The following FBXO4 variants were observed in gnomAD, a reference collection of about 807,000 sequenced individuals.
FBXO4 encodes the protein F-box protein 4.
Under a neutral mutation model 43.7 loss-of-function variants are expected in FBXO4, and 36 were observed. The ratio of observed to expected loss-of-function variants is 0.82; its 90% CI spans 0.63 to 1.09. The LOEUF (loss-of-function observed/expected upper bound fraction) is 1.09, where lower values mean the gene tolerates loss of function less well. Among genes scored for constraint, FBXO4 ranks in the 50% least tolerant of loss-of-function variants. The probability of loss-of-function intolerance (pLI) is 0.00; values close to 1 mark genes in which losing one functional copy is unlikely to be tolerated. For missense variants in FBXO4, 435 were observed against 474.1 expected, an observed-to-expected ratio of 0.92 and a Z score of 0.77; for synonymous variants, 180 against 165.6, an observed-to-expected ratio of 1.09 and a Z score of -0.67.
At chr5:41,963,607 A>G in the FBXO4 span, among the ~76,000 whole-genome samples, 1 of 152,204 alleles carries the variant, frequency 6.6e-6, no homozygotes, top group Non-Finnish European at 1.5e-5. Flanking sequence ...AAAAAACTAG[A>G]GAAAATAAAA....
At chr5:42,011,210 T>C in the FBXO4 span, among the ~76,000 whole-genome samples, 3 of 152,194 alleles carry the variant, frequency 2.0e-5, no homozygotes, top group Non-Finnish European at 4.4e-5. Flanking sequence ...TGATCTCTAA[T>C]GTGGCAGTGT....
chr5:41,957,453 T>A, the FBXO4 span, among the ~76,000 whole-genome samples: 2 of 148,250 alleles, frequency 1.3e-5, no homozygotes, highest in Admixed American at 6.8e-5. Flanking sequence ...ATAATTATAT[T>A]ATAATTATAT....
chr5:42,015,585 T>A, the FBXO4 span, among the ~76,000 whole-genome samples: 1 of 152,148 alleles, frequency 6.6e-6, no homozygotes, highest in South Asian at 2.1e-4. Context: ...ATAAATGTGC[T>A]AATGTGACAC....
chr5:42,013,746 T>C, the FBXO4 span, among the ~76,000 whole-genome samples: 1 of 152,210 alleles, frequency 6.6e-6, no homozygotes, highest in African/African-American at 2.4e-5. Flanking sequence ...CTGGCAACAC[T>C]TGAAGTAGGC....
the FBXO4 span, among the ~76,000 whole-genome samples, chr5:41,991,499 C>T: frequency 2.9e-4 from 44 of 152,304 alleles, 1 homozygote; most frequent in African/African-American, 8.9e-4. Flanking sequence ...TTCTGGGCTC[C>T]TAAACATTGG....
chr5:42,023,066 C>A, the FBXO4 span, among the ~76,000 whole-genome samples: 1 of 151,992 alleles, frequency 6.6e-6, no homozygotes, highest in African/African-American at 2.4e-5. Context: ...ACACTTGATG[C>A]ACTCCATTGT....
At chr5:42,008,792 G>T in the FBXO4 span, among the ~76,000 whole-genome samples, 1 of 151,978 alleles carries the variant, frequency 6.6e-6, no homozygotes, top group Admixed American at 6.6e-5. Flanking sequence ...TTCTAATTAC[G>T]TTTTATTGAC....
chr5:42,035,535 A>T, the FBXO4 span, among the ~76,000 whole-genome samples: 11,881 of 152,138 alleles, frequency 0.078, 582 homozygotes, highest in African/African-American at 0.13. Context: ...TTCTCTCTAA[A>T]GGTCATATAT....
the FBXO4 span, among the ~76,000 whole-genome samples, chr5:41,952,408 T>C: frequency 3.9e-5 from 6 of 152,242 alleles, no homozygotes; most frequent in Admixed American, 2.0e-4. Context: ...AATTGACTAA[T>C]TTATATAATA....
the FBXO4 span, among the ~76,000 whole-genome samples, chr5:42,006,579 T>C: frequency 6.6e-6 from 1 of 151,942 alleles, no homozygotes; most frequent in Non-Finnish European, 1.5e-5. Context: ...AGTCAATTTT[T>C]TGTCTAAACT....
At chr5:41,925,569 C>G (rs1751460016) in intron 1 of FBXO4, 71 bp downstream of exon 1, 1 of 1,189,872 alleles carries the variant, frequency 8.4e-7, no homozygotes, top group African/African-American at 1.6e-5. Flanking sequence ...CCTGGAGCCC[C>G]CCGGGGCCTG....
At chr5:41,946,467 A>G (rs1489438650), downstream of FBXO4, among the ~76,000 whole-genome samples, 1 of 152,248 alleles carries the variant, frequency 6.6e-6, no homozygotes, top group African/African-American at 2.4e-5. Context: ...AATCCTTCAA[A>G]TATGTCAATA....
At position 41,941,403 on chromosome 5, in the gene FBXO4, A is replaced by G; in HGVS notation, c.*122A>G. On this transcript the variant is annotated 3_prime_UTR_variant, in exon 7 of 7. Transcript: ENST00000281623. ...TTTGCAGATAGGCTTTCATTTGGACAGCTATAACTGCTGTGTTTTTTATAT... is the reference window on the plus strand; with the variant it reads ...TTTGCAGATAGGCTTTCATTTGGACGGCTATAACTGCTGTGTTTTTTATAT... 1 of 649,006 alleles carries G rather than the reference A, an allele frequency of 1.5e-6. No homozygotes were observed. Among genetic ancestry groups the G allele is most frequent in the Admixed American group, 2.5e-5 (1 of 39,496 alleles). The allele number at this position is 649,006 out of a possible 1,614,324, so 40.2% of individuals were successfully genotyped here.
At chr5:41,957,302 T>C in the FBXO4 span, among the ~76,000 whole-genome samples, 2 of 151,560 alleles carry the variant, frequency 1.3e-5, no homozygotes, top group Admixed American at 6.6e-5. Flanking sequence ...TTTACAGTTT[T>C]TTCTCTTTGT....
chr5:42,028,455 G>A, the FBXO4 span, among the ~76,000 whole-genome samples: 2 of 151,518 alleles, frequency 1.3e-5, no homozygotes, highest in Admixed American at 6.6e-5. Flanking sequence ...CAGATCAATC[G>A]GTCTTTCTTT....
chr5:41,929,443 A>C (rs948294505), intron 2 of FBXO4, among the ~76,000 whole-genome samples: 1 of 152,224 alleles, frequency 6.6e-6, no homozygotes, highest in Admixed American at 6.5e-5. Context: ...ATTAGAAAGT[A>C]AGTAACCACT....
chr5:42,037,006 T>C, the FBXO4 span, among the ~76,000 whole-genome samples: 8,493 of 152,124 alleles, frequency 0.056, 581 homozygotes, highest in African/African-American at 0.14. Flanking sequence ...CCCAAATTTC[T>C]CTTTCCTCAC....
the FBXO4 span, among the ~76,000 whole-genome samples, chr5:41,980,162 A>G: frequency 6.6e-6 from 1 of 152,200 alleles, no homozygotes; most frequent in African/African-American, 2.4e-5. Context: ...ATGTTAAAGT[A>G]AAAAGCTTTG....
chr5:41,998,918 C>T, the FBXO4 span, among the ~76,000 whole-genome samples: 1,892 of 152,152 alleles, frequency 0.012, 80 homozygotes, highest in Admixed American at 0.074. Context: ...CTTCTGAAGC[C>T]GGAAGTTAGA....
Sources: gnomAD v4.1 joint callset for allele counts (sites outside exome capture counted in the v4.1 genomes callset) on GRCh38, gnomAD v4.1.1 for gene constraint, MANE v1.5 for transcripts, NCBI Gene and HGNC (gene_info 2026-07-23, HGNC 2026-07-21) for gene names.